The following LNPK variants were observed in gnomAD, a reference collection of about 807,000 sequenced individuals.
LNPK encodes the protein lunapark, ER junction formation factor.
In LNPK, 29 loss-of-function variants were observed where a neutral mutation model predicts 55.2. The ratio of observed to expected loss-of-function variants is 0.53; its 90% CI spans 0.39 to 0.72. The LOEUF (loss-of-function observed/expected upper bound fraction) is 0.72, where lower values mean the gene tolerates loss of function less well. LNPK is among the 30% of genes least tolerant of loss of function. The probability of loss-of-function intolerance (pLI) is 0.00; values close to 1 mark genes in which losing one functional copy is unlikely to be tolerated. For missense variants in LNPK, 467 were observed against 494.8 expected (o/e 0.94, Z 0.53); for synonymous variants, 162 against 168.2 (o/e 0.96, Z 0.29).
intron 8 of LNPK, among the ~76,000 whole-genome samples, chr2:175,951,345 T>C (rs748383273): frequency 2.2e-4 from 34 of 151,854 alleles, no homozygotes; most frequent in Non-Finnish European, 3.7e-4. Flanking sequence ...CTGCACCTAT[T>C]TGTAGTCTTT....
intron 2 of LNPK, among the ~76,000 whole-genome samples, chr2:175,994,923 T>G (rs1452684998): frequency 6.9e-6 from 1 of 143,938 alleles, no homozygotes; most frequent in Non-Finnish European, 1.5e-5. Flanking sequence ...AATTTTTTTT[T>G]TTTTTTTTTT....
chr2:175,970,706 T>C, intron 6 of LNPK, 58 bp downstream of exon 6: 2 of 941,502 alleles, frequency 2.1e-6, no homozygotes, highest in Non-Finnish European at 1.4e-6. Flanking sequence ...ACATAAACAT[T>C]AATTATTCAG....
intron 12 of LNPK, among the ~76,000 whole-genome samples, chr2:175,936,648 GC>G: frequency 6.6e-6 from 1 of 152,184 alleles, no homozygotes; most frequent in Middle Eastern, 3.4e-3. Context: ...GAAAGAGCTG[GC>G]AATAGTCTAA....
At chr2:175,953,676 C>T (rs368411939) in intron 8 of LNPK, among the ~76,000 whole-genome samples, 3 of 150,954 alleles carry the variant, frequency 2.0e-5, no homozygotes, top group East Asian at 1.9e-4. Context: ...TTATCTAGTA[C>T]AGGCCTTTAT....
At chr2:175,971,388 A>G (rs1686656583) in intron 5 of LNPK, among the ~76,000 whole-genome samples, 1 of 152,142 alleles carries the variant, frequency 6.6e-6, no homozygotes, top group Non-Finnish European at 1.5e-5. Context: ...AACAGAAAGA[A>G]TCACCTCAGA....
chr2:175,930,697 G>T (rs889250508), intron 12 of LNPK, among the ~76,000 whole-genome samples: 18 of 152,124 alleles, frequency 1.2e-4, no homozygotes, highest in Non-Finnish European at 2.1e-4. Context: ...TGGGTGGATG[G>T]TGCGTTCCTA....
Position 175,947,535 on chromosome 2 carries a change from T to C in LNPK, c.651A>G (p.Ser217=), listed in dbSNP as rs771281002. 3 of 1,614,072 alleles carry C rather than the reference T, an allele frequency of 1.9e-6. No homozygotes were observed. The highest frequency in any genetic ancestry group is 1.7e-4 in the Middle Eastern group (1 of 5,996). The part of the protein sequence containing the change: ...PPERTVTPAL[S]SNVLPRHLGS... ...CAAGATGTCTTGGTAACACATTTGA[T>C]GATAGGGCTGGAGTAACAGTCCTTT... is the stretch of plus-strand genomic sequence containing the variant. The change falls in exon 9 of 13, where the codon TCA becomes TCG. Residue 217 remains serine (S), a synonymous_variant. Transcript: ENST00000272748.
At position 175,959,785 on chromosome 2, in the gene LNPK, AC is replaced by A. The variant is rs561133842; in HGVS notation, c.493+4586del. ...GACTGGCAAACTGGATAGAGTCAAG[AC>A]CCATCAGTGTGCTGTATTCAGGAAA... On this transcript the variant is annotated intron_variant, in intron 8 of 12. Coordinates refer to ENST00000272748, the MANE Select transcript of LNPK (RefSeq NM_030650.3). Among the ~76,000 whole-genome samples, 369 of 152,238 alleles carry A rather than the reference AC, an allele frequency of 2.4e-3. 1 individual carries two copies. The highest frequency in any genetic ancestry group is 8.6e-3 in the African/African-American group (356 of 41,542).
rs989153159 is a variant in LNPK, at chr2:175,979,668, C to T, written c.316+142G>A. 2.3e-5 allele frequency: 14 copies of T among 600,066 alleles called. No homozygotes were observed. The African/African-American group carries it at 2.7e-4, about 12-fold the overall frequency. The allele number at this position is 600,066 out of a possible 1,614,324, so 37.2% of individuals were successfully genotyped here. A position where few individuals can be genotyped will look rare whatever the true frequency, so the allele number is the denominator to read the frequency against. ...ACAGAACCATCTTGATCATTTATAACCTTTCTCATGCTTTATAATAAACAA... is the reference window on the plus strand; with the variant it reads ...ACAGAACCATCTTGATCATTTATAATCTTTCTCATGCTTTATAATAAACAA... On this transcript the variant is annotated intron_variant, in intron 5 of 12. Coordinates refer to ENST00000272748, the MANE Select transcript of LNPK (RefSeq NM_030650.3).
intron 9 of LNPK, among the ~76,000 whole-genome samples, chr2:175,945,593 A>T (rs1475563089): frequency 6.6e-6 from 1 of 152,194 alleles, no homozygotes; most frequent in East Asian, 1.9e-4. Context: ...ATCATCAAAA[A>T]ATAAACTTGA....
intron 9 of LNPK, among the ~76,000 whole-genome samples, chr2:175,945,841 C>T (rs1559035413): frequency 2.0e-5 from 3 of 152,222 alleles, no homozygotes; most frequent in African/African-American, 7.2e-5. Context: ...GTAATTAACA[C>T]AAACATCAAA....
intron 1 of LNPK, among the ~76,000 whole-genome samples, chr2:175,998,474 A>T (rs1027885355): frequency 1.3e-4 from 20 of 152,054 alleles, no homozygotes; most frequent in African/African-American, 4.8e-4. Flanking sequence ...GAAAAGAAAA[A>T]AAAAGGCAGT....
chr2:175,933,165 TA>T lies in LNPK; in HGVS notation c.1055-2967del, dbSNP rs1420224875. On this transcript the variant is annotated intron_variant, in intron 12 of 12. Transcript: ENST00000272748. Reference sequence around the variant, plus strand: ...CTCAATATTCTTGAGATATTATTATTATTTTGTTTTACCAAATAGTAACAAT... The same window carrying T: ...CTCAATATTCTTGAGATATTATTATTTTTTGTTTTACCAAATAGTAACAAT... 1.4e-4 allele frequency among the ~76,000 whole-genome samples: 21 copies of T among 152,216 alleles called. 1 individual carries two copies. Among genetic ancestry groups the T allele is most frequent in the South Asian group, 1.0e-3 (5 of 4,820 alleles).
chr2:175,984,241 C>T (rs752976499), intron 4 of LNPK, among the ~76,000 whole-genome samples: 5 of 151,530 alleles, frequency 3.3e-5, no homozygotes, highest in Non-Finnish European at 5.9e-5. Flanking sequence ...CAGTGGGGCG[C>T]GATCTTGACT....
In LNPK at chr2:175,929,047, A is replaced by G; in HGVS notation, c.*920T>C. On this transcript the variant is annotated 3_prime_UTR_variant, in exon 13 of 13. Transcript: ENST00000272748. ...TATTGTATTGTGAGCTATTCCTCCT[A>G]AGATTTTTCAGGTAGCCAAGTCACC... The G allele has an allele frequency of 1.1e-6, 1 of 906,436 alleles. No homozygotes were observed. Among genetic ancestry groups the G allele is most frequent in the Non-Finnish European group, 1.3e-6 (1 of 757,592 alleles). The allele number at this position is 906,436 out of a possible 1,614,324, so 56.1% of individuals were successfully genotyped here. A position where few individuals can be genotyped will look rare whatever the true frequency, so the allele number is the denominator to read the frequency against.
rs1685212802 is a variant in LNPK, at chr2:175,947,662, T to C, written c.524A>G (p.Asn175Ser). The change falls in exon 9 of 13, where the codon AAC (asparagine) becomes AGC (serine). Residue 175 changes from asparagine to serine, a missense_variant. Asn to Ser is a conservative substitution (Grantham distance 46, BLOSUM62 1). Transcript: ENST00000272748. ...EIRQRTAAQR[N>S]LSPTPASPNQ... ...AGGGCTTGCTGGTGTTGGAGAAAGG[T>C]TTCTTTGAGCTGCAGTTCGCTGACG... 6.2e-7 allele frequency: 1 copy of C among 1,613,224 alleles called. No homozygotes were observed. Among genetic ancestry groups the C allele is most frequent in the Non-Finnish European group, 8.5e-7 (1 of 1,179,592 alleles).
At chr2:175,994,645 G>A (rs553316068) in intron 2 of LNPK, among the ~76,000 whole-genome samples, 44 of 151,684 alleles carry the variant, frequency 2.9e-4, no homozygotes, top group Non-Finnish European at 5.0e-4. Flanking sequence ...TCAGCCTCCC[G>A]CGTAGCTGGG....
chr2:175,994,430 T>C (rs1687840695), intron 2 of LNPK: 2 of 465,786 alleles, frequency 4.3e-6, no homozygotes, highest in East Asian at 1.5e-4. Flanking sequence ...ATAGTTAGAC[T>C]CTATTATTAT....
intron 5 of LNPK, among the ~76,000 whole-genome samples, chr2:175,973,631 A>T (rs1281108674): frequency 6.6e-6 from 1 of 152,192 alleles, no homozygotes; most frequent in Non-Finnish European, 1.5e-5. Context: ...AACTTCACTG[A>T]AAATATTCTC....
Sources: allele counts gnomAD v4.1 joint callset (sites outside exome capture counted in the v4.1 genomes callset), GRCh38; gene constraint gnomAD v4.1.1; transcripts MANE v1.5; gene names NCBI Gene and HGNC (gene_info 2026-07-23, HGNC 2026-07-21).